Variants in PSAT1 observed in about 807,000 individuals in gnomAD.
The protein encoded by PSAT1 is phosphoserine aminotransferase 1, also known as phosphoserine aminotransferase.
Under a neutral mutation model 40.3 loss-of-function variants are expected in PSAT1, and 41 were observed. That is an observed-to-expected ratio of 1.02 (90% CI 0.79 to 1.32). PSAT1 has a LOEUF of 1.32. Ranked by LOEUF, PSAT1 falls within the 40% of genes most tolerant of loss-of-function variation. PSAT1 has a pLI of 0.00. For missense variants in PSAT1, 406 were observed against 455.8 expected, an observed-to-expected ratio of 0.89 and a Z score of 0.99; for synonymous variants, 147 against 170.5, an observed-to-expected ratio of 0.86 and a Z score of 1.07.
chr9:78,321,548 T>C (rs1444771162), intron 7 of PSAT1, among the ~76,000 whole-genome samples: 1 of 152,006 alleles, frequency 6.6e-6, no homozygotes, highest in African/African-American at 2.4e-5. Flanking sequence ...CCCTCCCCAC[T>C]TCCATGCCCC....
intron 7 of PSAT1, among the ~76,000 whole-genome samples, chr9:78,322,731 A>G (rs1828447287): frequency 6.6e-6 from 1 of 152,252 alleles, no homozygotes; most frequent in Admixed American, 6.5e-5. Flanking sequence ...TGCTAACAGT[A>G]TGAGGAAACA....
chr9:78,316,711 A>G (rs560524968), intron 6 of PSAT1, among the ~76,000 whole-genome samples: 1 of 152,314 alleles, frequency 6.6e-6, no homozygotes, highest in East Asian at 1.9e-4. Context: ...CAGATGGGAA[A>G]ACCGAGGTGA....
chr9:78,327,928 T>G, intron 7 of PSAT1, 123 bp from the exon 8 acceptor site: 1 of 1,115,764 alleles, frequency 9.0e-7, no homozygotes. Context: ...TTTTTTGTTT[T>G]TTGTTTTTTA....
chr9:78,327,634 C>G (rs1272674886), intron 7 of PSAT1, among the ~76,000 whole-genome samples: 1 of 152,140 alleles, frequency 6.6e-6, no homozygotes. Context: ...TTATTTTTGC[C>G]TTACAGCCAC....
intron 7 of PSAT1, among the ~76,000 whole-genome samples, 174 bp from the exon 8 acceptor site, chr9:78,327,877 G>A (rs940943871): frequency 2.0e-5 from 3 of 152,018 alleles, no homozygotes; most frequent in African/African-American, 7.2e-5. Context: ...ATATGCAAGA[G>A]TTTGTTTTCC....
Position 78,306,409 on chromosome 9 carries a change from A to T in PSAT1, c.493A>T (p.Ile165Leu), listed in dbSNP as rs1292398069. 6.2e-7 allele frequency: 1 copy of T among 1,614,080 alleles called. No homozygotes were observed. The highest frequency in any genetic ancestry group is 8.5e-7 in the Non-Finnish European group (1 of 1,180,040). Residue 165 changes from isoleucine to leucine, a missense_variant, in exon 5 of 9, where the codon ATA becomes TTA. Physicochemically the swap from Ile to Leu is conservative, Grantham distance 5 (BLOSUM62 2). Transcript: ENST00000376588. Reference protein sequence around the residue: ...ETVHGVEFDFIPDVKGAVLVC... With the variant: ...ETVHGVEFDFLPDVKGAVLVC... ...GGTGCATGGTGTGGAGTTTGACTTT[A>T]TACCCGATGTCAAGGGAGCAGTACT...
At chr9:78,320,337 TATCC>T (rs1208452643) in intron 7 of PSAT1, among the ~76,000 whole-genome samples, 1 of 37,336 alleles carries the variant, frequency 2.7e-5, no homozygotes, top group African/African-American at 8.9e-5. Flanking sequence ...TCCATCCATC[TATCC>T]ATCCATCCAT....
At chr9:78,298,843 A>G (rs1436987554) in intron 1 of PSAT1, among the ~76,000 whole-genome samples, 1 of 152,182 alleles carries the variant, frequency 6.6e-6, no homozygotes. Flanking sequence ...AGTGAAAAAC[A>G]TGTTTACAAA....
intron 3 of PSAT1, among the ~76,000 whole-genome samples, chr9:78,302,863 A>G (rs565826118): frequency 6.6e-6 from 1 of 152,240 alleles, no homozygotes; most frequent in African/African-American, 2.4e-5. Context: ...GAACTGTAGG[A>G]ACTACTGCTT....
At chr9:78,303,023 AT>A (rs929867335) in intron 3 of PSAT1, among the ~76,000 whole-genome samples, 1 of 151,930 alleles carries the variant, frequency 6.6e-6, no homozygotes, top group Non-Finnish European at 1.5e-5. Context: ...AAAGCATACC[AT>A]TTTTTTTCCT....
intron 4 of PSAT1, among the ~76,000 whole-genome samples, chr9:78,305,962 A>C (rs1284563662): frequency 6.6e-6 from 1 of 152,160 alleles, no homozygotes; most frequent in Non-Finnish European, 1.5e-5. Context: ...CACAGGCAGG[A>C]TCATAGCACA....
At chr9:78,305,790 C>T (rs374579911) in intron 4 of PSAT1, among the ~76,000 whole-genome samples, 18 of 152,148 alleles carry the variant, frequency 1.2e-4, no homozygotes, top group Admixed American at 9.2e-4. Context: ...GCTGGGGTTC[C>T]AAGAAGAAAC....
chr9:78,322,511 A>G (rs1828444992), intron 7 of PSAT1, among the ~76,000 whole-genome samples: 1 of 152,174 alleles, frequency 6.6e-6, no homozygotes. Context: ...TAAACATACA[A>G]CTCAAGCTAT....
rs17064358 is a variant in PSAT1, at chr9:78,329,338, G to C, written c.*252G>C. 4,526 of 482,290 alleles carry C rather than the reference G, an allele frequency of 9.4e-3. 167 individuals carry two copies. Among genetic ancestry groups the C allele is most frequent in the African/African-American group, 0.079 (4,024 of 51,208 alleles). 29.9% of individuals were successfully genotyped at this position (482,290 alleles called of 1,614,324 possible). On this transcript the variant is annotated 3_prime_UTR_variant, in exon 9 of 9. Coordinates refer to ENST00000376588, the MANE Select transcript of PSAT1 (RefSeq NM_058179.4). ...TGTTGCTTTTCTAACAAATTCCCGC[G>C]TATTTTGCCTTTGCTGCTACTTTTT...
chr9:78,302,450 C>T (rs539630773), intron 3 of PSAT1, among the ~76,000 whole-genome samples: 4 of 151,952 alleles, frequency 2.6e-5, no homozygotes, highest in Non-Finnish European at 5.9e-5. Flanking sequence ...CAAGTGGGGC[C>T]GGGCAAGGTG....
rs1243583213 is a variant in PSAT1, at chr9:78,317,738, A to C, written c.803A>C (p.Glu268Ala). The change falls in exon 7 of 9, where the codon GAG (glutamate) becomes GCG (alanine). Residue 268 changes from glutamate to alanine, a missense_variant. By Grantham distance (107) the Glu-to-Ala change is moderately radical. Transcript: ENST00000376588. Reference protein sequence around the residue: ...IKNNGGAAAMEKLSSIKSQTI... With the variant: ...IKNNGGAAAMAKLSSIKSQTI... ...AACAATGGAGGTGCCGCGGCCATGG[A>C]GAAGCTTAGCTCCATCAAATCTCAA... 1.9e-6 allele frequency: 3 copies of C among 1,613,740 alleles called. No individual in the cohort carries two copies. Among genetic ancestry groups the C allele is most frequent in the Non-Finnish European group, 2.5e-6 (3 of 1,179,752 alleles).
intron 7 of PSAT1, among the ~76,000 whole-genome samples, chr9:78,320,434 A>T (rs1352709102): frequency 6.7e-6 from 1 of 148,878 alleles, no homozygotes; most frequent in Non-Finnish European, 1.5e-5. Flanking sequence ...ACACCCACCC[A>T]TCCATCTATC....
intron 2 of PSAT1, among the ~76,000 whole-genome samples, chr9:78,301,328 T>C (rs1019070906): frequency 1.3e-5 from 2 of 152,182 alleles, no homozygotes; most frequent in Admixed American, 1.3e-4. Context: ...ACAGTTTTTA[T>C]TATACTTAAA....
At chr9:78,301,689 A>T (rs1278704664) in intron 2 of PSAT1, among the ~76,000 whole-genome samples, 1 of 152,232 alleles carries the variant, frequency 6.6e-6, no homozygotes, top group Non-Finnish European at 1.5e-5. Flanking sequence ...AGAGAGCATC[A>T]CGGAGTGATG....
Sources: allele counts gnomAD v4.1 joint callset (sites outside exome capture counted in the v4.1 genomes callset), GRCh38; gene constraint gnomAD v4.1.1; transcripts MANE v1.5; gene names NCBI Gene and HGNC (gene_info 2026-07-23, HGNC 2026-07-21).